Variants in NPAS3 observed in about 807,000 individuals in gnomAD.
The protein encoded by NPAS3 is neuronal PAS domain-containing protein 3.
In NPAS3, 14 loss-of-function variants were observed where a neutral mutation model predicts 73.1. That is an observed-to-expected ratio of 0.19 (90% CI 0.13 to 0.30). The LOEUF is 0.30. Among genes scored for constraint, NPAS3 ranks in the 10% least tolerant of loss-of-function variants. The probability of loss-of-function intolerance (pLI) is 1.00; values close to 1 mark genes in which losing one functional copy is unlikely to be tolerated. For missense variants in NPAS3, 1,096 were observed against 1,250.0 expected, an observed-to-expected ratio of 0.88 and a Z score of 1.86; for synonymous variants, 620 against 541.5, an observed-to-expected ratio of 1.14 and a Z score of -2.01.
At chr14:33,412,902 T>G (rs543594027) in intron 4 of NPAS3, among the ~76,000 whole-genome samples, 1 of 152,354 alleles carries the variant, frequency 6.6e-6, no homozygotes, top group East Asian at 1.9e-4. Flanking sequence ...GAACTAGGAA[T>G]ACAGAGATGG....
rs148102591 is a variant in NPAS3 at position 33,266,112 on chromosome 14, C to T, written c.385+50686C>T. Among the ~76,000 whole-genome samples, 1,264 of 152,100 alleles carry T rather than the reference C, an allele frequency of 8.3e-3. 15 individuals carry two copies. The highest frequency in any genetic ancestry group is 0.028 in the African/African-American group (1,151 of 41,512). ...AGAATTGTTATAAAAGTGTGATGTC[C>T]TTTGGGGAAGTCATTGCATTTCCCA... On this transcript the variant is annotated intron_variant, in intron 3 of 11. Coordinates refer to ENST00000356141, the Ensembl canonical transcript of NPAS3.
intron 2 of NPAS3, among the ~76,000 whole-genome samples, chr14:33,205,886 G>A (rs1184214794): frequency 2.0e-5 from 3 of 152,138 alleles, no homozygotes; most frequent in Admixed American, 6.5e-5. Context: ...TTTCAGAAGT[G>A]TTTGAAATCA....
intron 5 of NPAS3, among the ~76,000 whole-genome samples, chr14:33,638,013 T>G (rs2058572173): frequency 6.6e-6 from 1 of 152,158 alleles, no homozygotes; most frequent in Non-Finnish European, 1.5e-5. Context: ...GGTTAGCGGA[T>G]TATTTGAAAG....
At chr14:32,934,919 C>G, upstream of NPAS3, 2 of 1,044,044 alleles carry the variant, frequency 1.9e-6, no homozygotes, top group Non-Finnish European at 2.3e-6. The surrounding 1 kb of genome is among the most constrained non-coding windows in gnomAD (Gnocchi z 4.1). Context: ...GCGGGGGTGC[C>G]GGCCGGCGCG....
chr14:33,150,669 T>A (rs1318076515), intron 2 of NPAS3, among the ~76,000 whole-genome samples: 1 of 105,754 alleles, frequency 9.5e-6, no homozygotes, highest in African/African-American at 3.0e-5. Flanking sequence ...TCCCCATATT[T>A]CTTCTGTATT....
chr14:33,513,875 G>A (rs1356047789), intron 4 of NPAS3, among the ~76,000 whole-genome samples: 1 of 152,016 alleles, frequency 6.6e-6, no homozygotes, highest in Non-Finnish European at 1.5e-5. Context: ...TTTTCCCCAT[G>A]GGGGAGAAAG....
chr14:33,456,715 T>C (rs547432984), intron 4 of NPAS3, among the ~76,000 whole-genome samples: 2 of 152,292 alleles, frequency 1.3e-5, no homozygotes, highest in Non-Finnish European at 2.9e-5. Flanking sequence ...ATTATAGCGG[T>C]GCTAGAATCC....
intron 4 of NPAS3, among the ~76,000 whole-genome samples, chr14:33,465,737 G>A (rs529629813): frequency 1.4e-3 from 209 of 151,852 alleles, no homozygotes; most frequent in South Asian, 4.0e-3. Flanking sequence ...ATTTCCTTTC[G>A]CAAAACATGC....
chr14:33,600,633 A>G (rs1320985381), intron 5 of NPAS3, among the ~76,000 whole-genome samples: 1 of 152,236 alleles, frequency 6.6e-6, no homozygotes, highest in Non-Finnish European at 1.5e-5. Context: ...CCATAGTTAT[A>G]AAATAATTAC....
chr14:33,326,439 G>A (rs909118505), intron 3 of NPAS3, among the ~76,000 whole-genome samples: 4 of 152,144 alleles, frequency 2.6e-5, no homozygotes, highest in African/African-American at 7.2e-5. Flanking sequence ...GTCAACTTCG[G>A]CAAGTTAGAA....
chr14:33,452,202 G>T (rs1440150190), intron 4 of NPAS3, among the ~76,000 whole-genome samples: 3 of 152,154 alleles, frequency 2.0e-5, no homozygotes, highest in African/African-American at 7.2e-5. Flanking sequence ...GACCACCCAG[G>T]CTCCTGGTTG....
intron 5 of NPAS3, among the ~76,000 whole-genome samples, chr14:33,580,654 A>G (rs991829059): frequency 6.6e-6 from 1 of 152,144 alleles, no homozygotes; most frequent in Non-Finnish European, 1.5e-5. Context: ...CTTTACGACT[A>G]TAAAACAAAA....
intron 2 of NPAS3, among the ~76,000 whole-genome samples, chr14:33,128,025 G>T (rs1029097962): frequency 2.6e-5 from 4 of 152,064 alleles, no homozygotes; most frequent in African/African-American, 9.7e-5. Context: ...TAATAATAGA[G>T]AAATGGTAAA....
Position 33,222,441 on chromosome 14 carries a change from T to G in NPAS3, c.385+7015T>G, listed in dbSNP as rs116017612. Among the ~76,000 whole-genome samples the G allele has an allele frequency of 2.9e-3, 437 of 152,338 alleles. 2 individuals carry two copies. Among genetic ancestry groups the G allele is most frequent in the African/African-American group, 0.01 (419 of 41,576 alleles). On this transcript the variant is annotated intron_variant, in intron 3 of 11. Transcript: ENST00000356141. ...CTGAGACCCAACACCTTCTATTGGG[T>G]TTGCTTGAACTCCTATTCAGCATTC...
chr14:33,110,801 A>T (rs2042868615), intron 2 of NPAS3, among the ~76,000 whole-genome samples: 1 of 152,190 alleles, frequency 6.6e-6, no homozygotes, highest in Admixed American at 6.5e-5. Flanking sequence ...CACAACAGCT[A>T]GTTGAACCCG....
chr14:33,070,221 A>C, intron 2 of NPAS3, among the ~76,000 whole-genome samples: 1 of 152,162 alleles, frequency 6.6e-6, no homozygotes, highest in East Asian at 1.9e-4. Context: ...CCTTGTTTAT[A>C]TTATATTTAT....
At chr14:33,484,363 C>A (rs1185058097) in intron 4 of NPAS3, among the ~76,000 whole-genome samples, 1 of 152,154 alleles carries the variant, frequency 6.6e-6, no homozygotes, top group African/African-American at 2.4e-5. Context: ...TTAAGTTGAT[C>A]TATATTTGTC....
intron 4 of NPAS3, among the ~76,000 whole-genome samples, chr14:33,490,506 C>T (rs1273302423): frequency 6.6e-6 from 1 of 152,112 alleles, no homozygotes; most frequent in African/African-American, 2.4e-5. Context: ...TAATCTAGAA[C>T]CTCGAGCTTG....
intron 2 of NPAS3, among the ~76,000 whole-genome samples, chr14:33,183,908 G>A (rs745987036): frequency 3.4e-4 from 52 of 152,048 alleles, no homozygotes; most frequent in Non-Finnish European, 6.0e-4. Context: ...CATTTTCCTC[G>A]TGATGCCCCT....
Sources: allele counts gnomAD v4.1 joint callset (sites outside exome capture counted in the v4.1 genomes callset), GRCh38; gene constraint gnomAD v4.1.1; non-coding constraint Gnocchi (gnomAD v3.1); transcripts MANE v1.5; gene names NCBI Gene and HGNC (gene_info 2026-07-23, HGNC 2026-07-21).